The following SLC22A25 variants were observed in gnomAD, a reference collection of about 807,000 sequenced individuals.
The protein encoded by SLC22A25 is solute carrier family 22 member 25, also known as MGI:2442751, MGI:2385316, MGI:3042283, MGI:3645714, MGI:3605624, MGI:2442750.
In SLC22A25, 44 loss-of-function variants were observed where a neutral mutation model predicts 45.9. The observed-to-expected ratio is 0.96, with a 90% CI of 0.75 to 1.23. SLC22A25 has a LOEUF of 1.23. SLC22A25 is among the 50% of genes most tolerant of loss of function. The pLI is 0.00. For missense variants in SLC22A25, 800 were observed against 666.4 expected (o/e 1.20, Z -2.21); for synonymous variants, 283 against 238.6 (o/e 1.19, Z -1.72).
chr11:63,215,537 A>G (rs2089687681), intron 7 of SLC22A25, among the ~76,000 whole-genome samples: 1 of 152,182 alleles, frequency 6.6e-6, no homozygotes, highest in Admixed American at 6.5e-5. Flanking sequence ...TCTGTGTAAC[A>G]AACCTGCACG....
intron 7 of SLC22A25, among the ~76,000 whole-genome samples, chr11:63,211,767 CAT>C (rs2089570083): frequency 1.3e-5 from 2 of 152,106 alleles, no homozygotes; most frequent in Admixed American, 6.5e-5. Context: ...GCAAGGACTT[CAT>C]GTCTAAAACA....
At chr11:63,170,396 T>A (rs2087836018) in intron 9 of SLC22A25, among the ~76,000 whole-genome samples, 1 of 149,924 alleles carries the variant, frequency 6.7e-6, no homozygotes, top group Non-Finnish European at 1.5e-5. Flanking sequence ...ACTGAAAAGA[T>A]CAACAAAATA....
In SLC22A25 at chr11:63,234,473, T is replaced by G. The variant is rs546113440; in HGVS notation, c.-445+3408A>C. Among the ~76,000 whole-genome samples, 19 of 152,326 alleles carry G rather than the reference T, an allele frequency of 1.2e-4. No individual in the cohort carries two copies. In the South Asian group the frequency reaches 1.7e-3, roughly 13 times the overall value. On this transcript the variant is annotated intron_variant, in intron 3 of 11. Transcript: ENST00000306494. ...TAGGATTGCAACCCCTGCCTTTTTT[T>G]GTTTTCCATTTGCTTGGTAGATCTT...
intron 7 of SLC22A25, among the ~76,000 whole-genome samples, chr11:63,205,371 C>A (rs1341592037): frequency 5.3e-5 from 8 of 152,004 alleles, no homozygotes; most frequent in Non-Finnish European, 1.0e-4. Flanking sequence ...AATCCAGCAG[C>A]TGTTTTTTGA....
intron 9 of SLC22A25, among the ~76,000 whole-genome samples, chr11:63,177,812 CATATATATAATGT>C (rs1362359812): frequency 0.029 from 2,469 of 86,562 alleles, 71 homozygotes; most frequent in African/African-American, 0.067. Flanking sequence ...TATCCAAATA[CATATATATAATGT>C]ATATATATAA....
At chr11:63,200,940 C>A (rs1045547042) in intron 7 of SLC22A25, among the ~76,000 whole-genome samples, 1 of 152,120 alleles carries the variant, frequency 6.6e-6, no homozygotes, top group African/African-American at 2.4e-5. Flanking sequence ...CCTAGGAATA[C>A]AGCTAACTAA....
rs147217253 is a variant in SLC22A25 at position 63,211,253 on chromosome 11, C to T, written c.830+6061G>A. On this transcript the variant is annotated intron_variant, in intron 7 of 11. Coordinates refer to ENST00000306494, the MANE Select transcript of SLC22A25 (RefSeq NM_199352.6). ...AGGAATAACAAAACATCTAAATCAG[C>T]TCTATGAACATGGGATTATAGTGAA... Among the ~76,000 whole-genome samples the T allele has an allele frequency of 2.0e-5, 3 of 152,254 alleles. No individual in the cohort carries two copies. The East Asian group carries it at 5.8e-4, about 29-fold the overall frequency.
chr11:63,198,270 C>T (rs980279852), intron 7 of SLC22A25, among the ~76,000 whole-genome samples: 8 of 152,218 alleles, frequency 5.3e-5, no homozygotes, highest in African/African-American at 1.9e-4. Flanking sequence ...AAGACACATG[C>T]ACACATATGT....
Position 63,229,757 on chromosome 11 carries a change from G to T in SLC22A25, c.-105C>A. On this transcript the variant is annotated 5_prime_UTR_variant, in exon 4 of 12. Transcript: ENST00000306494. The stretch of plus-strand genomic sequence containing the variant: ...TTAAATCACACTAAGTGTGTGTGTT[G>T]ATCCTGACCCCACTCTCTTCTTAAT... 8.4e-7 allele frequency: 1 copy of T among 1,186,346 alleles called. No individual in the cohort carries two copies. The highest frequency in any genetic ancestry group is 1.1e-6 in the Non-Finnish European group (1 of 873,198). 73.5% of individuals were successfully genotyped at this position (1,186,346 alleles called of 1,614,324 possible). A position where few individuals can be genotyped will look rare whatever the true frequency, so the allele number is the denominator to read the frequency against.
chr11:63,172,588 T>C (rs1290616690), intron 9 of SLC22A25, among the ~76,000 whole-genome samples: 1 of 151,440 alleles, frequency 6.6e-6, no homozygotes, highest in Non-Finnish European at 1.5e-5. Flanking sequence ...CACATCGAGA[T>C]ACCATCTCAT....
rs1590815617 is a variant in SLC22A25 at position 63,185,966 on chromosome 11, C to G, written c.831-2149G>C. On this transcript the variant is annotated intron_variant, in intron 7 of 11. Coordinates refer to ENST00000306494, the MANE Select transcript of SLC22A25 (RefSeq NM_199352.6). ...CAGTGTTGGACATTTGGGTTGGTTC[C>G]AAGTCTTTGCTATCGTGAATAATGC... 2.0e-5 allele frequency among the ~76,000 whole-genome samples: 3 copies of G among 151,884 alleles called. No individual in the cohort carries two copies. The South Asian group carries it at 6.2e-4, about 32-fold the overall frequency.
chr11:63,193,446 G>C (rs1411741581), intron 7 of SLC22A25, among the ~76,000 whole-genome samples: 1 of 152,228 alleles, frequency 6.6e-6, no homozygotes, highest in Non-Finnish European at 1.5e-5. Context: ...CCAGAGGAAG[G>C]ATCAGGAAGC....
At chr11:63,174,488 G>A (rs769675887) in intron 9 of SLC22A25, among the ~76,000 whole-genome samples, 2 of 152,052 alleles carry the variant, frequency 1.3e-5, no homozygotes, top group Non-Finnish European at 2.9e-5. Context: ...TGGACAACTA[G>A]GCACTAGCTG....
intron 7 of SLC22A25, among the ~76,000 whole-genome samples, chr11:63,213,687 G>A (rs1017666741): frequency 2.7e-5 from 4 of 148,718 alleles, no homozygotes; most frequent in African/African-American, 4.9e-5. Flanking sequence ...CCTGCTGTCT[G>A]TGGAGAAACC....
rs541651705 is a variant in SLC22A25, at chr11:63,164,722, G to A, written c.1286-88C>T. 75 of 1,086,714 alleles carry A rather than the reference G, an allele frequency of 6.9e-5. No individual in the cohort carries two copies. The African/African-American group carries it at 9.3e-4, about 13-fold the overall frequency. 67.3% of individuals were successfully genotyped at this position (1,086,714 alleles called of 1,614,324 possible). A position where few individuals can be genotyped will look rare whatever the true frequency, so the allele number is the denominator to read the frequency against. On this transcript the variant is annotated intron_variant, in intron 10 of 11. Transcript: ENST00000306494. Reference sequence around the variant, plus strand: ...GGTAGAAGTGAAAAGGACTGCTTTGGAGGTGTTTCCAGGGGTAAAATGTAC... The same window carrying A: ...GGTAGAAGTGAAAAGGACTGCTTTGAAGGTGTTTCCAGGGGTAAAATGTAC...
intron 3 of SLC22A25, among the ~76,000 whole-genome samples, chr11:63,234,781 G>T (rs1195067300): frequency 6.6e-6 from 1 of 152,182 alleles, no homozygotes; most frequent in Admixed American, 6.5e-5. Context: ...GGTACCGGTT[G>T]TTCCTTTCCA....
chr11:63,180,511 T>C (rs1020670640), intron 9 of SLC22A25, 149 bp downstream of exon 9: 1 of 588,442 alleles, frequency 1.7e-6, no homozygotes, highest in Non-Finnish European at 2.9e-6. Flanking sequence ...ATAACCCTTT[T>C]ACCACTTTTA....
chr11:63,225,257 C>G (rs1453750370), intron 5 of SLC22A25, among the ~76,000 whole-genome samples: 1 of 151,760 alleles, frequency 6.6e-6, no homozygotes, highest in African/African-American at 2.4e-5. Flanking sequence ...TCTTATGGCT[C>G]ATTACTGTTC....
At chr11:63,198,210 G>C (rs765173068) in intron 7 of SLC22A25, among the ~76,000 whole-genome samples, 2 of 152,076 alleles carry the variant, frequency 1.3e-5, no homozygotes, top group Admixed American at 6.6e-5. Flanking sequence ...TTGACCCAGC[G>C]ATCCCATTAC....
Sources: allele counts gnomAD v4.1 joint callset (sites outside exome capture counted in the v4.1 genomes callset), GRCh38; gene constraint gnomAD v4.1.1; transcripts MANE v1.5; gene names NCBI Gene and HGNC (gene_info 2026-07-23, HGNC 2026-07-21).